TBCD: variants seen among roughly 807,000 people sequenced by gnomAD.
The protein encoded by TBCD is tubulin folding cofactor D.
TBCD carries 105 observed loss-of-function variants against 169.3 expected under a neutral mutation model. That is an observed-to-expected ratio of 0.62 (90% CI 0.53 to 0.73). TBCD has a LOEUF of 0.73. Among genes scored for constraint, TBCD ranks in the 30% least tolerant of loss-of-function variants. The probability of loss-of-function intolerance (pLI) is 0.00; values close to 1 mark genes in which losing one functional copy is unlikely to be tolerated. For synonymous variants in TBCD, 700 were observed against 643.9 expected, an observed-to-expected ratio of 1.09 and a Z score of -1.32; for missense variants, 1,444 against 1,600.1, an observed-to-expected ratio of 0.90 and a Z score of 1.66.
chr17:82,841,682 C>T (rs1177739223), intron 13 of TBCD, among the ~76,000 whole-genome samples: 3 of 152,188 alleles, frequency 2.0e-5, no homozygotes, highest in Non-Finnish European at 4.4e-5. Flanking sequence ...AACTTAGTGG[C>T]TTAAAACAAG....
chr17:82,898,137 C>A (rs766933572), intron 17 of TBCD, among the ~76,000 whole-genome samples: 1 of 134,504 alleles, frequency 7.4e-6, no homozygotes. Flanking sequence ...TTCTGGTTTT[C>A]GTGAGCATTG....
chr17:82,793,219 GGC>G (rs2144545257), intron 7 of TBCD, among the ~76,000 whole-genome samples: 1 of 152,240 alleles, frequency 6.6e-6, no homozygotes, highest in African/African-American at 2.4e-5. Flanking sequence ...TTCCGTCAAT[GGC>G]TTTTTTCCTC....
At chr17:82,859,228 G>A (rs1178500259) in intron 13 of TBCD, among the ~76,000 whole-genome samples, 1 of 149,958 alleles carries the variant, frequency 6.7e-6, no homozygotes, top group African/African-American at 2.5e-5. Flanking sequence ...TTCAGGGAAA[G>A]AGAGTCTCGT....
At chr17:82,862,239 T>A (rs1426229392) in intron 13 of TBCD, among the ~76,000 whole-genome samples, 1 of 152,210 alleles carries the variant, frequency 6.6e-6, no homozygotes, top group East Asian at 1.9e-4. Context: ...GAAGGTCTTA[T>A]ATTGTGGTGT....
At chr17:82,847,387 C>T (rs1212255058) in intron 13 of TBCD, among the ~76,000 whole-genome samples, 1 of 148,396 alleles carries the variant, frequency 6.7e-6, no homozygotes, top group Non-Finnish European at 1.5e-5. Context: ...AAAGAAACAA[C>T]CCTGAGAACA....
At chr17:82,919,840 G>A (rs554917669) in intron 23 of TBCD, among the ~76,000 whole-genome samples, 3 of 152,292 alleles carry the variant, frequency 2.0e-5, no homozygotes, top group Admixed American at 1.3e-4. Flanking sequence ...TGGACCGACG[G>A]CCTCCGCATC....
In TBCD at chr17:82,923,934, G is replaced by GC. The variant is rs2147197791; in HGVS notation, c.2260+202dup. The stretch of plus-strand genomic sequence containing the variant: ...TGCAGCTGCCCAGGATGTTGCATCA[G>GC]CTCTGAACAGGTGGCTCAGCAGGGA... On this transcript the variant is annotated intron_variant, in intron 26 of 38. Transcript: ENST00000355528. The surrounding 1 kb of genome is among the most constrained non-coding windows in gnomAD (Gnocchi z 4.6). Among the ~76,000 whole-genome samples, 1 of 152,252 alleles carries GC rather than the reference G, an allele frequency of 6.6e-6. No individual in the cohort carries two copies. Among genetic ancestry groups the GC allele is most frequent in the South Asian group, 2.1e-4 (1 of 4,824 alleles).
intron 18 of TBCD, among the ~76,000 whole-genome samples, chr17:82,902,789 C>T (rs1374825951): frequency 6.6e-6 from 1 of 152,188 alleles, no homozygotes; most frequent in Admixed American, 6.5e-5. Flanking sequence ...TAAGTCAGGA[C>T]CACTTGCTGC....
intron 13 of TBCD, among the ~76,000 whole-genome samples, chr17:82,828,435 G>A (rs1369120446): frequency 7.3e-6 from 1 of 137,650 alleles, no homozygotes; most frequent in African/African-American, 2.8e-5. Context: ...TGTACACGTG[G>A]ACACGCACAC....
At chr17:82,870,805 G>A (rs1395204439) in intron 14 of TBCD, among the ~76,000 whole-genome samples, 1 of 152,278 alleles carries the variant, frequency 6.6e-6, no homozygotes, top group East Asian at 1.9e-4. Flanking sequence ...CTTGGCGAGA[G>A]GCGAATTCTG....
At chr17:82,822,944 G>A (rs2052531912) in intron 13 of TBCD, among the ~76,000 whole-genome samples, 2 of 152,202 alleles carry the variant, frequency 1.3e-5, no homozygotes, top group African/African-American at 4.8e-5. Flanking sequence ...ACTGGCATGG[G>A]GAGGTGGAGA....
At chr17:82,752,434 A>G in intron 1 of TBCD, 57 bp downstream of exon 1, 1 of 1,172,596 alleles carries the variant, frequency 8.5e-7, no homozygotes, top group Non-Finnish European at 1.1e-6. Flanking sequence ...CGGCGCGCTG[A>G]GTGCACTTTA....
intron 13 of TBCD, among the ~76,000 whole-genome samples, chr17:82,854,082 A>G (rs1804017369): frequency 6.6e-6 from 1 of 152,132 alleles, no homozygotes; most frequent in Non-Finnish European, 1.5e-5. Flanking sequence ...TCCAAGTAAC[A>G]CACAGCACAC....
rs768723091 is a variant in TBCD, at chr17:82,831,343, T to C, written c.1318+16409T>C. ...ACTTTCGAACTCGACGTGTTTTCTG[T>C]TGGGGTCCGAAGGGTTTAACCTGGA... On this transcript the variant is annotated intron_variant, in intron 13 of 38. Coordinates refer to ENST00000355528, the MANE Select transcript of TBCD (RefSeq NM_005993.5). The surrounding 1 kb of genome is among the most constrained non-coding windows in gnomAD (Gnocchi z 4.6). 5.9e-5 allele frequency: 95 copies of C among 1,614,022 alleles called. No homozygotes were observed. Among genetic ancestry groups the C allele is most frequent in the Non-Finnish European group, 7.8e-5 (92 of 1,180,008 alleles).
At chr17:82,846,316 CAGCGTGCCGTGT>C (rs2055090791) in intron 13 of TBCD, among the ~76,000 whole-genome samples, 3 of 145,972 alleles carry the variant, frequency 2.1e-5, no homozygotes, top group African/African-American at 5.0e-5. Context: ...GTGCTGCGTC[CAGCGTGCCGTGT>C]CCTCTCGTCC....
intron 33 of TBCD, chr17:82,932,232 G>C (rs2062267196): frequency 6.9e-6 from 2 of 288,518 alleles, no homozygotes; most frequent in Non-Finnish European, 1.3e-5. Flanking sequence ...ATTTAGACCT[G>C]GGACGCGTCT....
intron 13 of TBCD, among the ~76,000 whole-genome samples, chr17:82,842,937 C>T (rs531403373): frequency 2.6e-5 from 4 of 152,026 alleles, no homozygotes; most frequent in South Asian, 2.1e-4. Context: ...CCCTCCACCA[C>T]GTCCGGCTGA....
Position 82,863,009 on chromosome 17 carries a change from A to G in TBCD, c.1319-7215A>G, listed in dbSNP as rs766177365. Among the ~76,000 whole-genome samples, 23 of 152,172 alleles carry G rather than the reference A, an allele frequency of 1.5e-4. 1 individual carries two copies. Among genetic ancestry groups the G allele is most frequent in the Non-Finnish European group, 3.4e-4 (23 of 68,026 alleles). On this transcript the variant is annotated intron_variant, in intron 13 of 38. Coordinates refer to ENST00000355528, the MANE Select transcript of TBCD (RefSeq NM_005993.5). The stretch of plus-strand genomic sequence containing the variant: ...GGGAGAGGATTACTGGGTGGAATGT[A>G]GCCGTCCGCCTTTTGTGTTGACCTC...
At chr17:82,828,170 C>A (rs966237215) in intron 13 of TBCD, among the ~76,000 whole-genome samples, 1 of 148,298 alleles carries the variant, frequency 6.7e-6, no homozygotes, top group Non-Finnish European at 1.5e-5. Context: ...CATGCACACC[C>A]GTACAATCGA....
Sources: gnomAD v4.1 joint callset for allele counts (sites outside exome capture counted in the v4.1 genomes callset) on GRCh38, gnomAD v4.1.1 for gene constraint, Gnocchi (gnomAD v3.1) non-coding constraint, MANE v1.5 for transcripts, NCBI Gene and HGNC (gene_info 2026-07-23, HGNC 2026-07-21) for gene names.